Variants in GRM8 observed in about 807,000 individuals in gnomAD.
GRM8 encodes metabotropic glutamate receptor 8.
GRM8 carries 47 observed loss-of-function variants against 87.2 expected under a neutral mutation model. The ratio of observed to expected loss-of-function variants is 0.54; its 90% CI spans 0.43 to 0.69. The LOEUF is 0.69. GRM8 is among the 30% of genes least tolerant of loss of function. The pLI is 0.00. For missense variants in GRM8, 1,019 were observed against 1,139.2 expected, an observed-to-expected ratio of 0.89 and a Z score of 1.52; for synonymous variants, 396 against 404.5, an observed-to-expected ratio of 0.98 and a Z score of 0.25.
intron 3 of GRM8, among the ~76,000 whole-genome samples, chr7:127,072,634 C>T (rs1248868410): frequency 6.9e-6 from 1 of 144,140 alleles, no homozygotes; most frequent in African/African-American, 2.5e-5. Flanking sequence ...TCATATTATA[C>T]TTTTTTTTTT....
intron 2 of GRM8, among the ~76,000 whole-genome samples, chr7:127,172,921 C>T (rs1793901200): frequency 6.6e-6 from 1 of 152,136 alleles, no homozygotes; most frequent in Non-Finnish European, 1.5e-5. Context: ...TTGTCTCATA[C>T]AAGCTTGCAT....
rs569980660 is a variant in GRM8, at chr7:126,794,467, T to C, written c.1157-24402A>G. 2.0e-5 allele frequency among the ~76,000 whole-genome samples: 3 copies of C among 152,318 alleles called. No homozygotes were observed. In the South Asian group the frequency reaches 6.2e-4, roughly 32 times the overall value. Reference sequence around the variant, plus strand: ...ATTCAGAAGATAAATGTATTTTATTTGCTACCTAAGAAATGATAGCAAACA... The same window carrying C: ...ATTCAGAAGATAAATGTATTTTATTCGCTACCTAAGAAATGATAGCAAACA... On this transcript the variant is annotated intron_variant, in intron 6 of 10. Coordinates refer to ENST00000339582, the MANE Select transcript of GRM8 (RefSeq NM_000845.3).
intron 8 of GRM8, among the ~76,000 whole-genome samples, chr7:126,576,641 A>G (rs1487027964): frequency 6.6e-6 from 1 of 151,882 alleles, no homozygotes. Flanking sequence ...CTTCTGTTAA[A>G]CCTCTACAGA....
At chr7:126,836,205 TA>T (rs916676954) in intron 6 of GRM8, among the ~76,000 whole-genome samples, 10 of 151,996 alleles carry the variant, frequency 6.6e-5, no homozygotes, top group African/African-American at 2.2e-4. Context: ...TCTCGAAGGT[TA>T]AAAAAAATTG....
intron 2 of GRM8, among the ~76,000 whole-genome samples, chr7:127,209,438 C>G (rs1426235610): frequency 6.6e-6 from 1 of 152,182 alleles, no homozygotes; most frequent in African/African-American, 2.4e-5. Context: ...TCCAGAAACC[C>G]TGAGAATCCA....
chr7:126,887,774 G>A (rs866907144), intron 6 of GRM8, among the ~76,000 whole-genome samples: 3 of 152,062 alleles, frequency 2.0e-5, no homozygotes, highest in South Asian at 2.1e-4. Context: ...GAGTCATGCC[G>A]TTCATCCCAC....
intron 7 of GRM8, among the ~76,000 whole-genome samples, chr7:126,615,006 T>A (rs1023431937): frequency 6.6e-6 from 1 of 152,028 alleles, no homozygotes; most frequent in Non-Finnish European, 1.5e-5. Context: ...AACATTCAAA[T>A]TCAGGAAATA....
At chr7:127,090,132 G>T (rs1209529449) in intron 3 of GRM8, among the ~76,000 whole-genome samples, 1 of 152,138 alleles carries the variant, frequency 6.6e-6, no homozygotes, top group African/African-American at 2.4e-5. Context: ...CCCAGCTCTT[G>T]CCTGGAGACA....
rs557494127 is a variant in GRM8, at chr7:127,166,263, T to G, written c.511-59551A>C. Reference sequence around the variant, plus strand: ...TTAACATTCCTCTTTACCTCCTGCTTCTTCTCTCTGGTGATTTTTTTTCCT... The same window carrying G: ...TTAACATTCCTCTTTACCTCCTGCTGCTTCTCTCTGGTGATTTTTTTTCCT... On this transcript the variant is annotated intron_variant, in intron 2 of 10. Transcript: ENST00000339582. 9.2e-5 allele frequency among the ~76,000 whole-genome samples: 14 copies of G among 152,278 alleles called. No homozygotes were observed. In the South Asian group the frequency reaches 2.1e-3, roughly 23 times the overall value.
At chr7:127,019,289 A>G (rs558389771) in intron 3 of GRM8, among the ~76,000 whole-genome samples, 2 of 152,220 alleles carry the variant, frequency 1.3e-5, no homozygotes, top group East Asian at 1.9e-4. Context: ...CAGTTGTCAC[A>G]TCATAACATT....
intron 8 of GRM8, among the ~76,000 whole-genome samples, chr7:126,556,205 CA>C (rs1276560348): frequency 6.6e-6 from 1 of 152,188 alleles, no homozygotes; most frequent in Admixed American, 6.5e-5. Flanking sequence ...TTTCAGTTCT[CA>C]AAGTCAGTCA....
In GRM8 at chr7:127,252,913, G is replaced by T; in HGVS notation, c.-428C>A. On this transcript the variant is annotated 5_prime_UTR_variant, in exon 1 of 11. Transcript: ENST00000339582. The surrounding 1 kb of genome is among the most constrained non-coding windows in gnomAD (Gnocchi z 4.9). ...GGCGAGCACAGCGGCCGCACTTGTG[G>T]CTGATCTCTGGGCTGAGGGGGCTGA... 1 of 205,146 alleles carries T rather than the reference G, an allele frequency of 4.9e-6. No individual in the cohort carries two copies. Among genetic ancestry groups the T allele is most frequent in the Non-Finnish European group, 9.4e-6 (1 of 105,868 alleles). The allele number at this position is 205,146 out of a possible 1,614,324, so 12.7% of individuals were successfully genotyped here. A position where few individuals can be genotyped will look rare whatever the true frequency, so the allele number is the denominator to read the frequency against.
At chr7:127,220,734 CT>C (rs1355179585) in intron 2 of GRM8, among the ~76,000 whole-genome samples, 1 of 152,200 alleles carries the variant, frequency 6.6e-6, no homozygotes, top group Non-Finnish European at 1.5e-5. Context: ...AGTACTCCCC[CT>C]ATCTTGGCCT....
At chr7:126,921,584 A>G (rs1804540225) in intron 3 of GRM8, among the ~76,000 whole-genome samples, 1 of 152,154 alleles carries the variant, frequency 6.6e-6, no homozygotes, top group East Asian at 1.9e-4. Flanking sequence ...GTAAAAACCA[A>G]TTACAGAGAA....
intron 3 of GRM8, among the ~76,000 whole-genome samples, chr7:127,074,006 C>T (rs1586922784): frequency 6.6e-6 from 1 of 152,208 alleles, no homozygotes; most frequent in Non-Finnish European, 1.5e-5. Flanking sequence ...GTGTTTTCAG[C>T]ATTATAGAAG....
At chr7:126,867,501 C>A (rs999115408) in intron 6 of GRM8, among the ~76,000 whole-genome samples, 3 of 152,080 alleles carry the variant, frequency 2.0e-5, no homozygotes, top group Non-Finnish European at 4.4e-5. Flanking sequence ...AATGAATCAC[C>A]AGCAAAGAAG....
intron 3 of GRM8, among the ~76,000 whole-genome samples, chr7:126,952,022 A>AAAAGAAAG (rs60996892): frequency 8.5e-4 from 128 of 150,336 alleles, no homozygotes; most frequent in Non-Finnish European, 8.2e-4. Flanking sequence ...TGATTTAAAA[A>AAAAGAAAG]AAAGAAAGAA....
At chr7:127,127,979 A>T (rs1563531165) in intron 2 of GRM8, among the ~76,000 whole-genome samples, 1 of 152,046 alleles carries the variant, frequency 6.6e-6, no homozygotes, top group East Asian at 1.9e-4. Context: ...GCGTCTTGAC[A>T]TATCTTATCT....
intron 3 of GRM8, among the ~76,000 whole-genome samples, chr7:127,008,923 C>G (rs1259208340): frequency 6.6e-6 from 1 of 152,078 alleles, no homozygotes; most frequent in African/African-American, 2.4e-5. Context: ...TTATAAAATT[C>G]TCATTAAGAA....
Sources: gnomAD v4.1 joint callset for allele counts (sites outside exome capture counted in the v4.1 genomes callset) on GRCh38, gnomAD v4.1.1 for gene constraint, Gnocchi (gnomAD v3.1) non-coding constraint, MANE v1.5 for transcripts, NCBI Gene and HGNC (gene_info 2026-07-23, HGNC 2026-07-21) for gene names.